GRM7: variants seen among roughly 807,000 people sequenced by gnomAD.
The protein encoded by GRM7 is metabotropic glutamate receptor 7.
GRM7 carries 35 observed loss-of-function variants against 84.5 expected under a neutral mutation model. The observed-to-expected ratio is 0.41, with a 90% CI of 0.32 to 0.55. The LOEUF (loss-of-function observed/expected upper bound fraction) is 0.55, where lower values mean the gene tolerates loss of function less well. Among genes scored for constraint, GRM7 ranks in the 20% least tolerant of loss-of-function variants. GRM7 has a pLI of 0.19. For synonymous variants in GRM7, 487 were observed against 455.1 expected (o/e 1.07, Z -0.89); for missense variants, 1,003 against 1,194.6 (o/e 0.84, Z 2.36).
chr3:7,601,012 G>A (rs1003293058), intron 8 of GRM7, among the ~76,000 whole-genome samples: 24 of 152,182 alleles, frequency 1.6e-4, no homozygotes, highest in South Asian at 4.2e-4. Context: ...AATACTTGCC[G>A]TGATTTGCCC....
At chr3:7,259,655 A>G (rs1011161991) in intron 2 of GRM7, among the ~76,000 whole-genome samples, 3 of 152,222 alleles carry the variant, frequency 2.0e-5, no homozygotes, top group Admixed American at 6.5e-5. Flanking sequence ...TAGATGGTGT[A>G]TATGTACAAC....
At chr3:7,328,162 T>C (rs914512434) in intron 4 of GRM7, among the ~76,000 whole-genome samples, 1 of 152,166 alleles carries the variant, frequency 6.6e-6, no homozygotes, top group African/African-American at 2.4e-5. Context: ...ATTTTTCCCA[T>C]GAAAAGACAT....
At chr3:7,656,488 T>C (rs1030556019) in intron 8 of GRM7, among the ~76,000 whole-genome samples, 3 of 146,500 alleles carry the variant, frequency 2.0e-5, no homozygotes, top group Admixed American at 1.4e-4. Context: ...AGAGCAAGAC[T>C]CTGTCTCAAA....
chr3:7,455,377 G>A (rs1697963964), intron 6 of GRM7, among the ~76,000 whole-genome samples: 1 of 152,066 alleles, frequency 6.6e-6, no homozygotes, highest in Non-Finnish European at 1.5e-5. Context: ...CTTTCACCAA[G>A]ATACATATGA....
chr3:7,554,673 A>T (rs1559399532), intron 7 of GRM7, among the ~76,000 whole-genome samples: 1 of 152,216 alleles, frequency 6.6e-6, no homozygotes, highest in Non-Finnish European at 1.5e-5. Flanking sequence ...TGAGGATGGT[A>T]GGTCCTGGGC....
intron 7 of GRM7, among the ~76,000 whole-genome samples, chr3:7,541,023 G>A (rs920208833): frequency 1.3e-5 from 2 of 152,258 alleles, no homozygotes; most frequent in Non-Finnish European, 2.9e-5. Context: ...ATGTTTGTAT[G>A]TAAAAAGTAT....
At chr3:6,960,966 T>C (rs1422034202) in intron 1 of GRM7, among the ~76,000 whole-genome samples, 5 of 152,202 alleles carry the variant, frequency 3.3e-5, no homozygotes. Context: ...CATTTCTCCT[T>C]ATTTTCTGAA....
At position 7,107,814 on chromosome 3, in the gene GRM7, G is replaced by C. The variant is rs186373294; in HGVS notation, c.520-38638G>C. ...TCAGGTAAGATGGAAACTAAAGAAA[G>C]GAAAATTAGATTTGTTAATTAGAAG... On this transcript the variant is annotated intron_variant, in intron 1 of 9. Coordinates refer to ENST00000357716, the MANE Select transcript of GRM7 (RefSeq NM_000844.4). Among the ~76,000 whole-genome samples the C allele has an allele frequency of 1.1e-3, 161 of 152,106 alleles. 2 individuals carry two copies. Among genetic ancestry groups the C allele is most frequent in the Admixed American group, 7.3e-3 (112 of 15,244 alleles).
chr3:6,952,737 G>A lies in GRM7; in HGVS notation c.519+90830G>A, dbSNP rs529195185. Among the ~76,000 whole-genome samples the A allele has an allele frequency of 8.5e-5, 13 of 152,172 alleles. No individual in the cohort carries two copies. In the South Asian group the frequency reaches 2.5e-3, roughly 29 times the overall value. ...TTTTTGTTTTGTTTTGTTTTTGAGC[G>A]TTTCAGGTAAGAAGGTAAATCCAGC... On this transcript the variant is annotated intron_variant, in intron 1 of 9. Transcript: ENST00000357716.
intron 2 of GRM7, among the ~76,000 whole-genome samples, chr3:7,245,413 GAGAC>G (rs1398665574): frequency 6.6e-6 from 1 of 151,852 alleles, no homozygotes; most frequent in Non-Finnish European, 1.5e-5. Flanking sequence ...CAAGAAAAGA[GAGAC>G]AGAAAAATGA....
chr3:7,672,349 A>G (rs1395207617), intron 8 of GRM7, among the ~76,000 whole-genome samples: 1 of 152,226 alleles, frequency 6.6e-6, no homozygotes, highest in African/African-American at 2.4e-5. Context: ...GCAATGTAAT[A>G]ATGTGAATGT....
At chr3:7,627,500 G>T (rs1697667740) in intron 8 of GRM7, among the ~76,000 whole-genome samples, 2 of 152,134 alleles carry the variant, frequency 1.3e-5, no homozygotes, top group South Asian at 2.1e-4. Flanking sequence ...GGTGCAGAAA[G>T]GTCAGCATGA....
At chr3:7,250,461 A>G (rs934288772) in intron 2 of GRM7, among the ~76,000 whole-genome samples, 9 of 151,674 alleles carry the variant, frequency 5.9e-5, no homozygotes, top group Non-Finnish European at 1.0e-4. Flanking sequence ...TTATATATAT[A>G]TGTGTGTGCC....
At chr3:7,020,894 C>T (rs1379516214) in intron 1 of GRM7, among the ~76,000 whole-genome samples, 2 of 152,108 alleles carry the variant, frequency 1.3e-5, no homozygotes, top group South Asian at 4.1e-4. Context: ...AGCTTGATGA[C>T]AGTCAAGTTA....
intron 1 of GRM7, among the ~76,000 whole-genome samples, chr3:6,905,032 A>G (rs1333546306): frequency 6.6e-6 from 1 of 152,014 alleles, no homozygotes; most frequent in Non-Finnish European, 1.5e-5. Context: ...AATATATCTT[A>G]ATATCCGGCA....
rs116629009 is a variant in GRM7, at chr3:7,071,236, T to C, written c.520-75216T>C. Among the ~76,000 whole-genome samples the C allele has an allele frequency of 4.8e-3, 728 of 152,224 alleles. 8 individuals carry two copies. Among genetic ancestry groups the C allele is most frequent in the African/African-American group, 0.017 (699 of 41,570 alleles). On this transcript the variant is annotated intron_variant, in intron 1 of 9. Transcript: ENST00000357716. ...TTGCTTTCCACTTTGGAGTAGACTATTTCAGTCTTAGAAAGGGCATAGAAA... is the reference window on the plus strand; with the variant it reads ...TTGCTTTCCACTTTGGAGTAGACTACTTCAGTCTTAGAAAGGGCATAGAAA...
intron 7 of GRM7, among the ~76,000 whole-genome samples, chr3:7,480,182 A>G (rs918978740): frequency 6.6e-6 from 1 of 152,146 alleles, no homozygotes; most frequent in African/African-American, 2.4e-5. Context: ...ACAATTATCT[A>G]CCTAGGTGGC....
chr3:7,701,987 T>C (rs181226263), intron 9 of GRM7, among the ~76,000 whole-genome samples: 41 of 152,192 alleles, frequency 2.7e-4, no homozygotes, highest in African/African-American at 8.7e-4. Flanking sequence ...CATTTTCAGC[T>C]AACATGCATT....
At chr3:7,657,212 T>C (rs1314348337) in intron 8 of GRM7, among the ~76,000 whole-genome samples, 2 of 152,218 alleles carry the variant, frequency 1.3e-5, no homozygotes, top group African/African-American at 4.8e-5. Context: ...TGCCTTCTAA[T>C]ATCATTGTCA....
Sources: allele counts gnomAD v4.1 joint callset (sites outside exome capture counted in the v4.1 genomes callset), GRCh38; gene constraint gnomAD v4.1.1; transcripts MANE v1.5; gene names NCBI Gene and HGNC (gene_info 2026-07-23, HGNC 2026-07-21).